EYA2: variants seen among roughly 807,000 people sequenced by gnomAD.
EYA2 encodes EYA transcriptional coactivator and phosphatase 2, also known as protein phosphatase EYA2.
In EYA2, 31 loss-of-function variants were observed where a neutral mutation model predicts 69.2. The observed-to-expected ratio is 0.45, with a 90% confidence interval of 0.34 to 0.60. The LOEUF (loss-of-function observed/expected upper bound fraction) is 0.60, where lower values mean the gene tolerates loss of function less well. EYA2 is among the 20% of genes least tolerant of loss of function. The pLI, the probability that EYA2 is intolerant of heterozygous loss-of-function variation, is 0.02. For synonymous variants in EYA2, 257 were observed against 279.4 expected (o/e 0.92, Z 0.80); for missense variants, 622 against 701.2 (o/e 0.89, Z 1.28).
At chr20:47,164,246 G>A (rs995510625) in intron 10 of EYA2, among the ~76,000 whole-genome samples, 2 of 152,164 alleles carry the variant, frequency 1.3e-5, no homozygotes, top group African/African-American at 4.8e-5. Flanking sequence ...GTCAGCTGGT[G>A]GAGTATGAGG....
At chr20:46,955,199 C>T (rs1345612020) in intron 1 of EYA2, among the ~76,000 whole-genome samples, 5 of 150,454 alleles carry the variant, frequency 3.3e-5, no homozygotes, top group Non-Finnish European at 7.4e-5. Flanking sequence ...TGCAATGGCG[C>T]GATCTCGGCT....
intron 1 of EYA2, among the ~76,000 whole-genome samples, chr20:46,938,396 T>TA (rs1600561786): frequency 6.6e-6 from 1 of 152,198 alleles, no homozygotes; most frequent in African/African-American, 2.4e-5. Context: ...CTTTAATAGA[T>TA]AAAAAAACAA....
At chr20:46,980,844 G>A (rs972386730) in intron 1 of EYA2, among the ~76,000 whole-genome samples, 1 of 152,162 alleles carries the variant, frequency 6.6e-6, no homozygotes, top group Non-Finnish European at 1.5e-5. Flanking sequence ...ATGTGATTGA[G>A]AACATGCCAT....
Position 47,083,640 on chromosome 20 carries a change from CA to C in EYA2, c.662-5591del, listed in dbSNP as rs558076829. Among the ~76,000 whole-genome samples the C allele has an allele frequency of 7.9e-3, 1,175 of 149,218 alleles. 11 individuals carry two copies. The highest frequency in any genetic ancestry group is 0.027 in the African/African-American group (1,106 of 40,650). ...TATACTTCATACCTCACATGACACA[CA>C]AAAAAAATGCAAAATAGATCATAGA... On this transcript the variant is annotated intron_variant, in intron 7 of 15. Transcript: ENST00000327619.
chr20:47,004,893 G>A, intron 3 of EYA2, 49 bp from the exon 4 acceptor site: 1 of 1,613,794 alleles, frequency 6.2e-7, no homozygotes, highest in Non-Finnish European at 8.5e-7. Flanking sequence ...TAAGGAAGAA[G>A]GGGTGCCAGA....
intron 5 of EYA2, among the ~76,000 whole-genome samples, chr20:47,029,235 C>G (rs1053777567): frequency 1.3e-5 from 2 of 152,208 alleles, no homozygotes; most frequent in African/African-American, 2.4e-5. Context: ...TGTCCTGTCT[C>G]AGCCACATCA....
intron 5 of EYA2, among the ~76,000 whole-genome samples, chr20:47,069,797 T>TC (rs2031244880): frequency 6.6e-6 from 1 of 152,144 alleles, no homozygotes; most frequent in African/African-American, 2.4e-5. Context: ...AGACTTTTTA[T>TC]AGTGGTCCTG....
intron 9 of EYA2, among the ~76,000 whole-genome samples, chr20:47,106,550 C>T (rs550863137): frequency 1.3e-5 from 2 of 152,230 alleles, no homozygotes; most frequent in South Asian, 2.1e-4. Context: ...CATGGACCCA[C>T]GAGTCCTCTG....
At chr20:47,157,353 C>CAAAAAAAAAA in intron 10 of EYA2, among the ~76,000 whole-genome samples, 1 of 60,772 alleles carries the variant, frequency 1.6e-5, no homozygotes, top group Non-Finnish European at 3.1e-5. Context: ...GACTCCGTCT[C>CAAAAAAAAAA]AAAAAAAAAA....
chr20:47,047,135 C>T (rs906860999), intron 5 of EYA2, among the ~76,000 whole-genome samples: 3 of 152,090 alleles, frequency 2.0e-5, no homozygotes, highest in Non-Finnish European at 4.4e-5. Flanking sequence ...TATCCACTTA[C>T]GCTGTAGGAT....
intron 1 of EYA2, among the ~76,000 whole-genome samples, chr20:46,906,010 C>A (rs545041765): frequency 6.6e-6 from 1 of 152,252 alleles, no homozygotes; most frequent in African/African-American, 2.4e-5. Flanking sequence ...GGGCAGACTT[C>A]TTTTTAATGA....
At position 47,067,924 on chromosome 20, in the gene EYA2, T is replaced by C. The variant is rs147593222; in HGVS notation, c.416-4261T>C. On this transcript the variant is annotated intron_variant, in intron 5 of 15. Coordinates refer to ENST00000327619, the MANE Select transcript of EYA2 (RefSeq NM_005244.5). ...ATTCTGAGTTGATGTTTCTTTTCCT[T>C]AAGCCCTTGAAAAATGTTGTGCCAT... 2.5e-3 allele frequency among the ~76,000 whole-genome samples: 379 copies of C among 152,358 alleles called. 2 individuals are homozygous for C. The highest frequency in any genetic ancestry group is 6.8e-3 in the Middle Eastern group (2 of 294).
rs771197035 is a variant in EYA2 at position 47,016,165 on chromosome 20, C to A, written c.299-16C>A. 4.4e-6 allele frequency: 7 copies of A among 1,592,480 alleles called. No homozygotes were observed. The Middle Eastern group carries it at 5.0e-4, about 113-fold the overall frequency. On this transcript the variant is annotated splice_polypyrimidine_tract_variant and intron_variant, in intron 4 of 15. Coordinates refer to ENST00000327619, the MANE Select transcript of EYA2 (RefSeq NM_005244.5). ...ATGTGTCCTTGGTCCTTTTTTTTCC[C>A]CCTCTTCCTTCAAAGGCATCAAGAC...
At chr20:47,166,393 TAAAAAAAAAAAAAAAAAAAAA>T (rs370944686) in intron 10 of EYA2, among the ~76,000 whole-genome samples, 39 of 34,518 alleles carry the variant, frequency 1.1e-3, no homozygotes, top group East Asian at 6.9e-3. Context: ...CAAGACTGTC[TAAAAAAAAAAAAAAAAAAAAA>T]AAAAAAAAAA....
At chr20:46,989,489 G>A (rs1022643764) in intron 1 of EYA2, among the ~76,000 whole-genome samples, 5 of 152,058 alleles carry the variant, frequency 3.3e-5, no homozygotes, top group Admixed American at 2.0e-4. Context: ...GGATGGTCTC[G>A]ATCTCTTGAC....
intron 5 of EYA2, among the ~76,000 whole-genome samples, chr20:47,067,436 T>G (rs937194979): frequency 6.6e-6 from 1 of 152,142 alleles, no homozygotes; most frequent in African/African-American, 2.4e-5. Flanking sequence ...CTCAAATAAC[T>G]GGAAGAGTAT....
intron 9 of EYA2, among the ~76,000 whole-genome samples, chr20:47,125,757 A>G (rs1002973528): frequency 6.6e-6 from 1 of 152,260 alleles, no homozygotes; most frequent in Non-Finnish European, 1.5e-5. Flanking sequence ...TTTAATTAAT[A>G]CTTTTCTTCC....
intron 5 of EYA2, among the ~76,000 whole-genome samples, chr20:47,035,320 G>A (rs1412686235): frequency 1.3e-5 from 2 of 152,280 alleles, no homozygotes; most frequent in East Asian, 1.9e-4. Flanking sequence ...GGCAGCAAGA[G>A]GCCAATGCCA....
intron 1 of EYA2, among the ~76,000 whole-genome samples, chr20:46,986,090 A>G (rs2146320321): frequency 6.6e-6 from 1 of 152,162 alleles, no homozygotes; most frequent in South Asian, 2.1e-4. Context: ...GATAAAAGAT[A>G]CAATGTCTAC....
Sources: gnomAD v4.1 joint callset for allele counts (sites outside exome capture counted in the v4.1 genomes callset) on GRCh38, gnomAD v4.1.1 for gene constraint, MANE v1.5 for transcripts, NCBI Gene and HGNC (gene_info 2026-07-23, HGNC 2026-07-21) for gene names.